NAPEPLD: variants seen among roughly 807,000 people sequenced by gnomAD.
The protein encoded by NAPEPLD is N-acyl-phosphatidylethanolamine-hydrolyzing phospholipase D.
A neutral mutation model predicts 38.1 loss-of-function variants in NAPEPLD; 23 were observed. The observed-to-expected ratio is 0.60, with a 90% CI of 0.43 to 0.86. NAPEPLD has a LOEUF of 0.86. NAPEPLD is among the 40% of genes least tolerant of loss of function. The probability of loss-of-function intolerance (pLI) is 0.00; values close to 1 mark genes in which losing one functional copy is unlikely to be tolerated. For synonymous variants in NAPEPLD, 147 were observed against 162.0 expected (o/e 0.91, Z 0.71); for missense variants, 411 against 476.8 (o/e 0.86, Z 1.28).
rs1802535635 is a variant in NAPEPLD, at chr7:103,102,426, C to T, written c.*1003G>A. On this transcript the variant is annotated 3_prime_UTR_variant, in exon 5 of 5. Coordinates refer to ENST00000465647, the MANE Select transcript of NAPEPLD (RefSeq NM_001122838.3). ...TCACAGCTCACTGCAGCCTCTATCT[C>T]CTGGGCTCAAGTGATCCTCCCACCT... 1 of 152,398 alleles carries T rather than the reference C, an allele frequency of 6.6e-6. No homozygotes were observed. Among genetic ancestry groups the T allele is most frequent in the Non-Finnish European group, 1.5e-5 (1 of 68,204 alleles). The allele number at this position is 152,398 out of a possible 1,614,324, so 9.4% of individuals were successfully genotyped here. A position where few individuals can be genotyped will look rare whatever the true frequency, so the allele number is the denominator to read the frequency against.
chr7:103,129,832 T>C (rs1430226041), intron 1 of NAPEPLD, among the ~76,000 whole-genome samples: 2 of 152,128 alleles, frequency 1.3e-5, no homozygotes, highest in African/African-American at 2.4e-5. Context: ...AGAAGACCTG[T>C]AATACAAGTA....
intron 1 of NAPEPLD, among the ~76,000 whole-genome samples, chr7:103,145,257 G>C (rs1812301745): frequency 6.6e-6 from 1 of 152,202 alleles, no homozygotes; most frequent in Non-Finnish European, 1.5e-5. Flanking sequence ...CTAAGACAAT[G>C]TTGCTAAGAA....
At chr7:103,147,869 T>C in intron 1 of NAPEPLD, 1 of 594,914 alleles carries the variant, frequency 1.7e-6, no homozygotes, top group Non-Finnish European at 2.1e-6. Flanking sequence ...AAACAAAATC[T>C]CTGAAAATCC....
chr7:103,144,324 C>T (rs12154780), intron 1 of NAPEPLD, among the ~76,000 whole-genome samples: 137,036 of 152,284 alleles, frequency 0.9, 63,456 homozygotes, highest in East Asian at 1. Context: ...AAAATTTTCT[C>T]CCCTTTTGCA....
chr7:103,120,562 G>A (rs1806440280), intron 2 of NAPEPLD, among the ~76,000 whole-genome samples: 2 of 151,948 alleles, frequency 1.3e-5, no homozygotes, highest in African/African-American at 4.8e-5. Context: ...TTTTTCTATT[G>A]CCATTCTACT....
Position 103,114,430 on chromosome 7 carries a change from G to C in NAPEPLD, c.1056+630C>G, listed in dbSNP as rs1303572309. Among the ~76,000 whole-genome samples, 84 of 152,180 alleles carry C rather than the reference G, an allele frequency of 5.5e-4. 1 individual carries two copies. The highest frequency in any genetic ancestry group is 2.9e-5 in the Non-Finnish European group (2 of 68,016). On this transcript the variant is annotated intron_variant, in intron 4 of 4. Transcript: ENST00000465647. ...TCAATGTTTACTGAATATATTTCTAGAAAGTTCCACACTAGCCTTACTTCT... is the reference window on the plus strand; with the variant it reads ...TCAATGTTTACTGAATATATTTCTACAAAGTTCCACACTAGCCTTACTTCT...
At chr7:103,143,788 C>T (rs977980813) in intron 1 of NAPEPLD, among the ~76,000 whole-genome samples, 6 of 152,154 alleles carry the variant, frequency 3.9e-5, no homozygotes, top group Admixed American at 1.3e-4. Context: ...ATACGATTAC[C>T]GTAACTGGGA....
chr7:103,147,475 C>A (rs532678761), intron 1 of NAPEPLD, among the ~76,000 whole-genome samples: 1 of 152,146 alleles, frequency 6.6e-6, no homozygotes, highest in Non-Finnish European at 1.5e-5. Flanking sequence ...CTATCCATCA[C>A]CACAAAGAAA....
At chr7:103,108,812 C>T (rs538963162) in intron 4 of NAPEPLD, among the ~76,000 whole-genome samples, 29 of 152,240 alleles carry the variant, frequency 1.9e-4, no homozygotes, top group African/African-American at 6.7e-4. Flanking sequence ...GATAAAGAGT[C>T]AAGACCCATC....
intron 1 of NAPEPLD, among the ~76,000 whole-genome samples, chr7:103,138,063 C>T (rs6465904): frequency 0.89 from 134,626 of 150,808 alleles, 62,059 homozygotes; most frequent in East Asian, 1. Flanking sequence ...CTGCAACCTC[C>T]ATCTCCCAGG....
At position 103,101,984 on chromosome 7, in the gene NAPEPLD, C is replaced by T. The variant is rs1802462174; in HGVS notation, c.*1445G>A. The T allele has an allele frequency of 6.9e-6, 1 of 145,862 alleles. No homozygotes were observed. Among genetic ancestry groups the T allele is most frequent in the Non-Finnish European group, 1.5e-5 (1 of 66,498 alleles). The allele number at this position is 145,862 out of a possible 1,614,324, so 9.0% of individuals were successfully genotyped here. On this transcript the variant is annotated 3_prime_UTR_variant, in exon 5 of 5. Transcript: ENST00000465647. Reference sequence around the variant, plus strand: ...TACAGAGTCCTTATTAGGACTAAATCTTATGTCAACTGACTCCCCCCCCGC... The same window carrying T: ...TACAGAGTCCTTATTAGGACTAAATTTTATGTCAACTGACTCCCCCCCCGC...
Position 103,146,252 on chromosome 7 carries a change from T to C in NAPEPLD, c.-17+2559A>G, listed in dbSNP as rs1812532525. On this transcript the variant is annotated intron_variant, in intron 1 of 4. Coordinates refer to ENST00000465647, the MANE Select transcript of NAPEPLD (RefSeq NM_001122838.3). ...TCCAACTTCTCAGGAGGCTGAGGCATGAGTATCGCTTGAACACACGAGGCA... is the reference window on the plus strand; with the variant it reads ...TCCAACTTCTCAGGAGGCTGAGGCACGAGTATCGCTTGAACACACGAGGCA... 2.0e-5 allele frequency among the ~76,000 whole-genome samples: 3 copies of C among 151,792 alleles called. No homozygotes were observed. In the South Asian group the frequency reaches 6.2e-4, roughly 32 times the overall value.
At chr7:103,124,660 T>C (rs1156307326) in intron 2 of NAPEPLD, among the ~76,000 whole-genome samples, 3 of 152,166 alleles carry the variant, frequency 2.0e-5, no homozygotes, top group Non-Finnish European at 4.4e-5. Flanking sequence ...CTAGTTAATG[T>C]TTTACTTTTC....
intron 3 of NAPEPLD, among the ~76,000 whole-genome samples, chr7:103,116,518 T>C (rs1010888472): frequency 6.6e-6 from 1 of 152,214 alleles, no homozygotes; most frequent in Non-Finnish European, 1.5e-5. Context: ...AGAATTTGTA[T>C]GTCCTGCTGA....
chr7:103,145,166 A>G (rs370852545), intron 1 of NAPEPLD, among the ~76,000 whole-genome samples: 3 of 152,262 alleles, frequency 2.0e-5, no homozygotes, highest in African/African-American at 4.8e-5. Flanking sequence ...TTGAAGATGA[A>G]GATTATAAAG....
In NAPEPLD at chr7:103,126,584, C is replaced by G. The variant is rs181859804; in HGVS notation, c.294+1899G>C. On this transcript the variant is annotated intron_variant, in intron 2 of 4. Transcript: ENST00000465647. ...CTAGCATCATTCCTCCCAGGGGCCA[C>G]CTCCTCAGAATGCAATTTTTTTTGT... Among the ~76,000 whole-genome samples, 59 of 133,786 alleles carry G rather than the reference C, an allele frequency of 4.4e-4. 2 individuals carry two copies. The highest frequency in any genetic ancestry group is 3.8e-3 in the East Asian group (16 of 4,256). 87.8% of individuals were successfully genotyped at this position (133,786 alleles called of 152,430 possible). A position where few individuals can be genotyped will look rare whatever the true frequency, so the allele number is the denominator to read the frequency against.
intron 1 of NAPEPLD, among the ~76,000 whole-genome samples, chr7:103,131,668 A>G (rs1808965343): frequency 1.3e-5 from 2 of 152,046 alleles, no homozygotes; most frequent in African/African-American, 4.8e-5. Context: ...AAGGGGAAAA[A>G]AAAAAAAAGC....
chr7:103,113,117 T>G (rs1367871761), intron 4 of NAPEPLD, among the ~76,000 whole-genome samples: 1 of 152,200 alleles, frequency 6.6e-6, no homozygotes, highest in Non-Finnish European at 1.5e-5. Flanking sequence ...ATACCATTAC[T>G]TCATCTAAGT....
At chr7:103,126,214 T>C (rs4729884) in intron 2 of NAPEPLD, among the ~76,000 whole-genome samples, 135,809 of 152,056 alleles carry the variant, frequency 0.89, 62,621 homozygotes, top group East Asian at 1. Flanking sequence ...TAGACCTCTT[T>C]AGGAAATCAG....
Sources: gnomAD v4.1 joint callset for allele counts (sites outside exome capture counted in the v4.1 genomes callset) on GRCh38, gnomAD v4.1.1 for gene constraint, MANE v1.5 for transcripts, NCBI Gene and HGNC (gene_info 2026-07-23, HGNC 2026-07-21) for gene names.